LCORL: variants seen among roughly 807,000 people sequenced by gnomAD.
The protein encoded by LCORL is ligand dependent nuclear receptor corepressor like, also known as ligand-dependent nuclear receptor corepressor-like protein.
Under a neutral mutation model 141.8 loss-of-function variants are expected in LCORL, and 41 were observed. That is an observed-to-expected ratio of 0.29 (90% CI 0.23 to 0.38). The LOEUF is 0.38. LCORL is among the 10% of genes least tolerant of loss of function. The pLI, the probability that LCORL is intolerant of heterozygous loss-of-function variation, is 1.00. For missense variants in LCORL, 1,759 were observed against 2,035.0 expected (o/e 0.86, Z 2.61); for synonymous variants, 618 against 694.1 (o/e 0.89, Z 1.72).
intron 4 of LCORL, among the ~76,000 whole-genome samples, chr4:17,949,465 T>C (rs1279405781): frequency 1.3e-5 from 2 of 152,122 alleles, no homozygotes; most frequent in Middle Eastern, 3.2e-3. Context: ...CTCTAGCCTC[T>C]AGATAATTGT....
At chr4:17,852,414 C>T (rs544628899) in intron 7 of LCORL, among the ~76,000 whole-genome samples, 9 of 152,088 alleles carry the variant, frequency 5.9e-5, no homozygotes, top group Admixed American at 5.2e-4. Flanking sequence ...AAGGTACTTT[C>T]GCTGCTTATC....
intron 1 of LCORL, chr4:18,020,547 C>T (rs1393031213): frequency 4.1e-5 from 6 of 144,912 alleles, no homozygotes; most frequent in Admixed American, 1.4e-4. Context: ...GATAACAGCT[C>T]TATGCATTCG....
intron 2 of LCORL, among the ~76,000 whole-genome samples, chr4:17,966,822 C>T (rs567009376): frequency 6.6e-6 from 1 of 152,292 alleles, no homozygotes; most frequent in South Asian, 2.1e-4. Context: ...CAGGAACTTT[C>T]ATCCATTGCT....
chr4:18,010,127 A>G (rs1186917675), intron 1 of LCORL, among the ~76,000 whole-genome samples: 2 of 152,182 alleles, frequency 1.3e-5, no homozygotes, highest in Non-Finnish European at 2.9e-5. Context: ...CTTTTTTTCC[A>G]TGTAAACAGT....
chr4:17,895,737 T>C (rs1402927807), intron 5 of LCORL, among the ~76,000 whole-genome samples: 4 of 152,180 alleles, frequency 2.6e-5, no homozygotes, highest in Admixed American at 2.6e-4. Flanking sequence ...TGGCAACCAG[T>C]AATCTACTTT....
At chr4:17,927,544 T>C (rs1171650477) in intron 4 of LCORL, among the ~76,000 whole-genome samples, 3 of 152,226 alleles carry the variant, frequency 2.0e-5, no homozygotes, top group East Asian at 1.9e-4. Flanking sequence ...TAGTCATTTA[T>C]AGCTTTTGAT....
exon 8 of LCORL, chr4:17,842,300 T>A: frequency 6.2e-7 from 1 of 1,610,352 alleles, no homozygotes; most frequent in Non-Finnish European, 8.5e-7. Flanking sequence ...TGAATTATAC[T>A]ATCTTCAAGG....
At chr4:17,866,896 C>T in intron 7 of LCORL, 3 of 587,912 alleles carry the variant, frequency 5.1e-6, no homozygotes, top group Non-Finnish European at 6.4e-6. Flanking sequence ...AACATTTAGA[C>T]CTTGAGGCAG....
At chr4:18,010,748 G>A (rs186478209) in intron 1 of LCORL, among the ~76,000 whole-genome samples, 65 of 152,150 alleles carry the variant, frequency 4.3e-4, no homozygotes, top group East Asian at 1.9e-3. Flanking sequence ...CACCGGGCCC[G>A]GCCATAACAT....
chr4:17,958,275 G>A (rs1390796536), intron 4 of LCORL, among the ~76,000 whole-genome samples: 2 of 151,600 alleles, frequency 1.3e-5, no homozygotes, highest in East Asian at 3.9e-4. Context: ...CTAAGCATGT[G>A]TGGGTATTAA....
At chr4:17,858,210 C>T (rs148570086) in intron 7 of LCORL, among the ~76,000 whole-genome samples, 27 of 150,800 alleles carry the variant, frequency 1.8e-4, no homozygotes, top group African/African-American at 4.9e-4. Flanking sequence ...ATACCACTTA[C>T]GAAATAAAAA....
intron 4 of LCORL, among the ~76,000 whole-genome samples, chr4:17,927,906 G>A (rs973397766): frequency 6.6e-6 from 1 of 152,060 alleles, no homozygotes; most frequent in East Asian, 1.9e-4. Flanking sequence ...TTCAATGTAC[G>A]GCTGCTACGC....
At chr4:18,015,053 T>G (rs958343750) in intron 1 of LCORL, among the ~76,000 whole-genome samples, 1 of 152,292 alleles carries the variant, frequency 6.6e-6, no homozygotes, top group African/African-American at 2.4e-5. Context: ...GTTATTACAA[T>G]TGAAAGATGA....
intron 7 of LCORL, among the ~76,000 whole-genome samples, chr4:17,856,324 G>GT: frequency 6.6e-6 from 1 of 152,256 alleles, no homozygotes; most frequent in East Asian, 1.9e-4. Flanking sequence ...AATTAAGGTC[G>GT]TAAGAGTGAA....
At chr4:17,943,831 A>G (rs1388339660) in intron 4 of LCORL, among the ~76,000 whole-genome samples, 1 of 152,160 alleles carries the variant, frequency 6.6e-6, no homozygotes, top group Non-Finnish European at 1.5e-5. Context: ...AGGGGTACAG[A>G]CACATTATCA....
chr4:18,010,191 A>G (rs1277656159), intron 1 of LCORL, among the ~76,000 whole-genome samples: 2 of 152,184 alleles, frequency 1.3e-5, no homozygotes, highest in Non-Finnish European at 2.9e-5. Context: ...ATTGAAAATT[A>G]TAATACAGAA....
At chr4:17,845,518 T>C in exon 8 of LCORL, 2 of 415,434 alleles carry the variant, frequency 4.8e-6, no homozygotes, top group Admixed American at 8.1e-5. Context: ...AACATCAAAA[T>C]CCGTTTACAA....
At chr4:18,001,382 T>C (rs991188217) in intron 1 of LCORL, among the ~76,000 whole-genome samples, 1 of 152,188 alleles carries the variant, frequency 6.6e-6, no homozygotes, top group African/African-American at 2.4e-5. Flanking sequence ...CAAAGTAGAA[T>C]GAAAAACGGA....
intron 4 of LCORL, among the ~76,000 whole-genome samples, chr4:17,943,055 T>C (rs1738230924): frequency 6.6e-6 from 1 of 152,184 alleles, no homozygotes. Context: ...ACACCTTGCC[T>C]GAGAAAAATT....
Sources: allele counts gnomAD v4.1 joint callset (sites outside exome capture counted in the v4.1 genomes callset), GRCh38; gene constraint gnomAD v4.1.1; transcripts MANE v1.5; gene names NCBI Gene and HGNC (gene_info 2026-07-23, HGNC 2026-07-21).